Variants in ABI3BP observed in about 807,000 individuals in gnomAD.
The protein encoded by ABI3BP is target of Nesh-SH3.
Under a neutral mutation model 268.6 loss-of-function variants are expected in ABI3BP, and 216 were observed. That is an observed-to-expected ratio of 0.80 (90% CI 0.72 to 0.90). The LOEUF (loss-of-function observed/expected upper bound fraction) is 0.90, where lower values mean the gene tolerates loss of function less well. ABI3BP is among the 40% of genes least tolerant of loss of function. The pLI, the probability that ABI3BP is intolerant of heterozygous loss-of-function variation, is 0.00. For synonymous variants in ABI3BP, 730 were observed against 730.0 expected, an observed-to-expected ratio of 1.00 and a Z score of 0.00; for missense variants, 2,090 against 2,182.4, an observed-to-expected ratio of 0.96 and a Z score of 0.84.
intron 1 of ABI3BP, among the ~76,000 whole-genome samples, chr3:100,952,989 G>T (rs1202793357): frequency 1.3e-5 from 2 of 152,006 alleles, no homozygotes; most frequent in Non-Finnish European, 2.9e-5. Context: ...CTCTCTCTTT[G>T]CATTTCTAGC....
intron 33 of ABI3BP, among the ~76,000 whole-genome samples, chr3:100,828,684 T>C (rs551570634): frequency 1.3e-5 from 2 of 152,260 alleles, no homozygotes; most frequent in East Asian, 1.9e-4. Context: ...TAACGGTCCA[T>C]GTGAAGTGTC....
chr3:100,795,083 C>A, intron 53 of ABI3BP, 80 bp from the exon 54 acceptor site: 6 of 869,080 alleles, frequency 6.9e-6, no homozygotes, highest in Non-Finnish European at 9.9e-6. Flanking sequence ...ACATGAAATT[C>A]CTTCATTTGA....
At chr3:100,988,426 G>A (rs772827209) in intron 1 of ABI3BP, among the ~76,000 whole-genome samples, 1 of 152,126 alleles carries the variant, frequency 6.6e-6, no homozygotes, top group Non-Finnish European at 1.5e-5. Context: ...TTCCCTCTCA[G>A]TACTTTAACA....
At chr3:100,806,535 T>G (rs2097712357) in intron 50 of ABI3BP, among the ~76,000 whole-genome samples, 1 of 152,076 alleles carries the variant, frequency 6.6e-6, no homozygotes. Flanking sequence ...GATGAGGAGG[T>G]CCCAATTCTA....
chr3:100,837,201 T>G (rs773094288), intron 26 of ABI3BP, 30 bp from the exon 27 acceptor site: 1 of 1,516,998 alleles, frequency 6.6e-7, no homozygotes, highest in Non-Finnish European at 8.8e-7. Flanking sequence ...CAGATATAAG[T>G]AATAAAAGCA....
At chr3:100,777,201 G>A (rs988456166) in intron 59 of ABI3BP, among the ~76,000 whole-genome samples, 1 of 152,128 alleles carries the variant, frequency 6.6e-6, no homozygotes, top group South Asian at 2.1e-4. Context: ...CTTTCATGGC[G>A]ATCCTCATCA....
At position 100,942,475 on chromosome 3, in the gene ABI3BP, T is replaced by A. The variant is rs146324442; in HGVS notation, c.80-15994A>T. 2.1e-4 allele frequency among the ~76,000 whole-genome samples: 32 copies of A among 152,246 alleles called. No homozygotes were observed. In the East Asian group the frequency reaches 6.0e-3, roughly 29 times the overall value. ...GTACCACTTTGGAAAAATGGTAGATTCTTAGTCATTATTGTTTTTTAATAC... is the reference window on the plus strand; with the variant it reads ...GTACCACTTTGGAAAAATGGTAGATACTTAGTCATTATTGTTTTTTAATAC... On this transcript the variant is annotated intron_variant, in intron 1 of 67. Transcript: ENST00000471714.
chr3:100,754,940 A>T (rs2149326321), intron 63 of ABI3BP, among the ~76,000 whole-genome samples: 1 of 152,314 alleles, frequency 6.6e-6, no homozygotes. Flanking sequence ...AAAATCTCCC[A>T]ATTAGTACAA....
intron 1 of ABI3BP, among the ~76,000 whole-genome samples, chr3:100,963,558 A>G (rs1318029682): frequency 6.6e-6 from 1 of 152,212 alleles, no homozygotes; most frequent in Non-Finnish European, 1.5e-5. Context: ...AATTCAGAAC[A>G]TATAGCTCAC....
intron 6 of ABI3BP, among the ~76,000 whole-genome samples, chr3:100,884,156 T>C (rs954639091): frequency 6.6e-6 from 1 of 152,078 alleles, no homozygotes; most frequent in African/African-American, 2.4e-5. Context: ...AGTAGTTTTG[T>C]TATAGGTAAC....
At chr3:100,829,483 T>G in intron 33 of ABI3BP, 98 bp downstream of exon 33, 1 of 1,120,266 alleles carries the variant, frequency 8.9e-7, no homozygotes, top group Non-Finnish European at 1.3e-6. Context: ...CCTAGTCTGA[T>G]GTGGAATCAG....
At chr3:100,862,647 T>C in intron 13 of ABI3BP, 191 bp downstream of exon 13, 1 of 598,564 alleles carries the variant, frequency 1.7e-6, no homozygotes, top group Non-Finnish European at 2.9e-6. Flanking sequence ...TATGTGGAAT[T>C]AAGACTGATG....
chr3:100,914,848 G>A (rs1026360317), intron 2 of ABI3BP, among the ~76,000 whole-genome samples: 4 of 152,100 alleles, frequency 2.6e-5, no homozygotes, highest in African/African-American at 9.7e-5. Context: ...TCTAAACAGA[G>A]GGTCATTTTA....
Position 100,750,612 on chromosome 3 carries a change from TGAGA to T in ABI3BP, c.5246-6_5246-3del, listed in dbSNP as rs757225606. The T allele has an allele frequency of 1.2e-6, 2 of 1,604,932 alleles. No individual in the cohort carries two copies. Among genetic ancestry groups the T allele is most frequent in the South Asian group, 1.1e-5 (1 of 90,536 alleles). ...CCTGGCGAACTGCTCTGAAATAACC[TGAGA>T]GAGAAAATAGTTTCATTTTAATAGC... On this transcript the variant is annotated splice_region_variant and splice_polypyrimidine_tract_variant and intron_variant, in intron 67 of 67. Transcript: ENST00000471714.
intron 6 of ABI3BP, among the ~76,000 whole-genome samples, chr3:100,877,452 A>C (rs1398328152): frequency 1.3e-5 from 2 of 152,162 alleles, no homozygotes; most frequent in Middle Eastern, 3.2e-3. Context: ...TACACAAAGG[A>C]CCTCAGAATC....
chr3:100,905,233 G>T (rs1441771101), intron 2 of ABI3BP, among the ~76,000 whole-genome samples: 1 of 152,130 alleles, frequency 6.6e-6, no homozygotes, highest in African/African-American at 2.4e-5. Flanking sequence ...CACACAGGAA[G>T]GGGAACATCA....
intron 19 of ABI3BP, 79 bp downstream of exon 19, chr3:100,847,523 A>T: frequency 1.7e-6 from 2 of 1,200,554 alleles, no homozygotes; most frequent in Non-Finnish European, 1.2e-6. Context: ...CAGGTAACAG[A>T]CATTACATAA....
intron 32 of ABI3BP, 96 bp from the exon 33 acceptor site, chr3:100,829,760 GT>G: frequency 1.0e-6 from 1 of 979,360 alleles, no homozygotes; most frequent in Non-Finnish European, 1.5e-6. Flanking sequence ...TCCAAGAAAT[GT>G]TTCTTTTGGG....
chr3:100,894,955 A>AC (rs2046783636), intron 4 of ABI3BP, among the ~76,000 whole-genome samples: 1 of 143,604 alleles, frequency 7.0e-6, no homozygotes, highest in Non-Finnish European at 1.5e-5. Context: ...AAAAAAAAAA[A>AC]AAAAAAAAAA....
Sources: gnomAD v4.1 joint callset for allele counts (sites outside exome capture counted in the v4.1 genomes callset) on GRCh38, gnomAD v4.1.1 for gene constraint, MANE v1.5 for transcripts, NCBI Gene and HGNC (gene_info 2026-07-23, HGNC 2026-07-21) for gene names.